The following KCNQ1 variants were observed in gnomAD, a reference collection of about 807,000 sequenced individuals.
KCNQ1 encodes potassium voltage-gated channel subfamily KQT member 1.
KCNQ1 carries 49 observed loss-of-function variants against 72.4 expected under a neutral mutation model. The ratio of observed to expected loss-of-function variants is 0.68; its 90% CI spans 0.54 to 0.86. KCNQ1 has a LOEUF of 0.86. Ranked by LOEUF, KCNQ1 falls within the 40% of genes least tolerant of loss-of-function variation. The pLI is 0.00. For synonymous variants in KCNQ1, 450 were observed against 412.6 expected (o/e 1.09, Z -1.10); for missense variants, 790 against 945.1 (o/e 0.84, Z 2.15).
intron 10 of KCNQ1, chr11:2,648,131 G>A (rs2133838734): frequency 5.2e-6 from 2 of 382,806 alleles, no homozygotes; most frequent in East Asian, 7.4e-5. Context: ...CTTGAGCCCA[G>A]GAAGCAGAGG....
intron 1 of KCNQ1, among the ~76,000 whole-genome samples, chr11:2,489,176 C>T (rs1038857582): frequency 6.6e-6 from 1 of 152,210 alleles, no homozygotes; most frequent in Admixed American, 6.5e-5. Context: ...TACTGAATCA[C>T]TGACAGCACT....
chr11:2,510,793 G>T (rs1053598808), intron 1 of KCNQ1, among the ~76,000 whole-genome samples: 1 of 152,174 alleles, frequency 6.6e-6, no homozygotes, highest in African/African-American at 2.4e-5. Context: ...AGGCTGGCAC[G>T]CTCAGATGCA....
chr11:2,651,361 C>T lies in KCNQ1; in HGVS notation c.1394-10600C>T, dbSNP rs1341013849. 1 of 398,602 alleles carries T rather than the reference C, an allele frequency of 2.5e-6. No homozygotes were observed. Among genetic ancestry groups the T allele is most frequent in the Non-Finnish European group, 4.4e-6 (1 of 226,132 alleles). 24.7% of individuals were successfully genotyped at this position (398,602 alleles called of 1,614,324 possible). On this transcript the variant is annotated intron_variant, in intron 10 of 15. Coordinates refer to ENST00000155840, the MANE Select transcript of KCNQ1 (RefSeq NM_000218.3). The surrounding 1 kb of genome is among the most constrained non-coding windows in gnomAD (Gnocchi z 6.1). ...CGGCTGAGAGAGCTGGGGTATTTAT[C>T]TTTCACTAGTGAGTGCTGCCCCGGT... is the stretch of plus-strand genomic sequence containing the variant.
chr11:2,797,168 T>G (rs375182252), intron 15 of KCNQ1, among the ~76,000 whole-genome samples: 4 of 147,220 alleles, frequency 2.7e-5, no homozygotes, highest in South Asian at 4.4e-4. Flanking sequence ...CCTGGGGGGG[T>G]GGCGGGGGGG....
intron 1 of KCNQ1, among the ~76,000 whole-genome samples, chr11:2,519,018 G>A (rs553685380): frequency 1.3e-5 from 2 of 152,344 alleles, no homozygotes; most frequent in African/African-American, 2.4e-5. Flanking sequence ...GCTGCCAGGG[G>A]AGGGGCTTCC....
chr11:2,751,394 A>G (rs1027458469), intron 11 of KCNQ1, among the ~76,000 whole-genome samples: 3 of 152,184 alleles, frequency 2.0e-5, no homozygotes, highest in Non-Finnish European at 4.4e-5. Context: ...AGGGGGCTCT[A>G]TGGGAAAGGG....
intron 10 of KCNQ1, chr11:2,636,566 G>A (rs1357600832): frequency 2.0e-5 from 3 of 152,096 alleles, no homozygotes; most frequent in Non-Finnish European, 2.9e-5. Flanking sequence ...GCTTTTTGAT[G>A]TGCTGCTGGA....
chr11:2,788,554 C>T (rs899608083), intron 15 of KCNQ1, among the ~76,000 whole-genome samples: 3 of 151,554 alleles, frequency 2.0e-5, no homozygotes, highest in Admixed American at 1.3e-4. Context: ...CACCACCCCC[C>T]GCCCCCCACA....
rs566506022 is a variant in KCNQ1, at chr11:2,495,894, T to G, written c.387-32034T>G. ...TGAGTTCAAGTCCTGAATATCCTTG[T>G]TAATTTTCTGTCTCATTGATCTGTC... On this transcript the variant is annotated intron_variant, in intron 1 of 15. Transcript: ENST00000155840. The surrounding 1 kb of genome is among the most constrained non-coding windows in gnomAD (Gnocchi z 4.6). 2.0e-5 allele frequency among the ~76,000 whole-genome samples: 3 copies of G among 152,208 alleles called. 1 individual carries two copies. In the South Asian group the frequency reaches 6.2e-4, roughly 32 times the overall value.
rs1301664679 is a variant in KCNQ1, at chr11:2,828,386, A to G, written c.1795-19381A>G. On this transcript the variant is annotated intron_variant, in intron 15 of 15. Coordinates refer to ENST00000155840, the MANE Select transcript of KCNQ1 (RefSeq NM_000218.3). This position sits in a 1 kb window ranked among gnomAD's most constrained non-coding sequence, Gnocchi z 5.3. ...GACAGTAAAGGCATGAAAAACATGG[A>G]AACATGTAAATCAACTAGGGTAAAG... is the stretch of plus-strand genomic sequence containing the variant. Among the ~76,000 whole-genome samples the G allele has an allele frequency of 1.3e-5, 2 of 152,224 alleles. No individual in the cohort carries two copies. The highest frequency in any genetic ancestry group is 2.9e-5 in the Non-Finnish European group (2 of 68,032).
chr11:2,512,192 C>T (rs1236875144), intron 1 of KCNQ1, among the ~76,000 whole-genome samples: 1 of 152,196 alleles, frequency 6.6e-6, no homozygotes, highest in African/African-American at 2.4e-5. Flanking sequence ...AGCACTTGGC[C>T]TGCCCAGCCG....
At chr11:2,586,005 T>A (rs937353888) in intron 8 of KCNQ1, among the ~76,000 whole-genome samples, 12 of 152,156 alleles carry the variant, frequency 7.9e-5, no homozygotes, top group African/African-American at 2.7e-4. Context: ...CACTTGAGAA[T>A]TGCGTCCCTG....
chr11:2,695,643 A>G lies in KCNQ1; in HGVS notation c.1514+33562A>G. The G allele has an allele frequency of 2.5e-6, 1 of 398,638 alleles. No individual in the cohort carries two copies. Among genetic ancestry groups the G allele is most frequent in the Non-Finnish European group, 4.4e-6 (1 of 226,078 alleles). 24.7% of individuals were successfully genotyped at this position (398,638 alleles called of 1,614,324 possible). On this transcript the variant is annotated intron_variant, in intron 11 of 15. Coordinates refer to ENST00000155840, the MANE Select transcript of KCNQ1 (RefSeq NM_000218.3). This position sits in a 1 kb window ranked among gnomAD's most constrained non-coding sequence, Gnocchi z 5.2. ...CTTAGGAGGGAAACTGCTGGGCCAC[A>G]GGTATAAAATATTTTATTTGAGGAA...
rs1360751095 is a variant in KCNQ1 at position 2,745,514 on chromosome 11, C to T, written c.1515-23330C>T. 1.3e-5 allele frequency among the ~76,000 whole-genome samples: 2 copies of T among 152,200 alleles called. No homozygotes were observed. The highest frequency in any genetic ancestry group is 2.9e-5 in the Non-Finnish European group (2 of 68,042). On this transcript the variant is annotated intron_variant, in intron 11 of 15. Coordinates refer to ENST00000155840, the MANE Select transcript of KCNQ1 (RefSeq NM_000218.3). The surrounding 1 kb of genome is among the most constrained non-coding windows in gnomAD (Gnocchi z 6.2). ...CTTTCTATCAGCTCTATTGATTGAT[C>T]TTTTGATCCTGCTGATTGTCTAAGT...
At position 2,627,164 on chromosome 11, in the gene KCNQ1, T is replaced by G. The variant is rs1338348826; in HGVS notation, c.1394-34797T>G. On this transcript the variant is annotated intron_variant, in intron 10 of 15. Coordinates refer to ENST00000155840, the MANE Select transcript of KCNQ1 (RefSeq NM_000218.3). The surrounding 1 kb of genome is among the most constrained non-coding windows in gnomAD (Gnocchi z 4.9). Reference sequence around the variant, plus strand: ...TGGTAAAGTTGGTTCCTAAGTTTGTTATTCTTGATGCTTTTTTCAGCTTTT... The same window carrying G: ...TGGTAAAGTTGGTTCCTAAGTTTGTGATTCTTGATGCTTTTTTCAGCTTTT... The G allele has an allele frequency of 2.5e-6, 1 of 398,438 alleles. No homozygotes were observed. Among genetic ancestry groups the G allele is most frequent in the Non-Finnish European group, 4.4e-6 (1 of 226,056 alleles). 24.7% of individuals were successfully genotyped at this position (398,438 alleles called of 1,614,324 possible).
At chr11:2,618,353 T>C in intron 10 of KCNQ1, 1 of 398,532 alleles carries the variant, frequency 2.5e-6, no homozygotes, top group Non-Finnish European at 4.4e-6. Context: ...GTTTACAAAT[T>C]TGTGTTGGGC....
Position 2,828,780 on chromosome 11 carries a change from TC to T in KCNQ1, c.1795-18982del, listed in dbSNP as rs1045085842. 1.1e-4 allele frequency among the ~76,000 whole-genome samples: 17 copies of T among 152,090 alleles called. No homozygotes were observed. The highest frequency in any genetic ancestry group is 4.1e-4 in the African/African-American group (17 of 41,398). Reference sequence around the variant, plus strand: ...ATTCAAGCTAAAAAGGAAGACCTCCTCCCCCACTTCCCTCATCAACTCCCAG... The same window carrying T: ...ATTCAAGCTAAAAAGGAAGACCTCCTCCCCACTTCCCTCATCAACTCCCAG... On this transcript the variant is annotated intron_variant, in intron 15 of 15. Transcript: ENST00000155840. The surrounding 1 kb of genome is among the most constrained non-coding windows in gnomAD (Gnocchi z 5.3).
intron 11 of KCNQ1, among the ~76,000 whole-genome samples, chr11:2,727,954 A>G (rs778934789): frequency 9.2e-5 from 14 of 151,952 alleles, no homozygotes; most frequent in Non-Finnish European, 1.9e-4. Context: ...CTTCATTTCC[A>G]TCATATGTGG....
intron 10 of KCNQ1, chr11:2,641,691 T>C (rs1849579509): frequency 2.5e-6 from 1 of 398,256 alleles, no homozygotes; most frequent in African/African-American, 2.1e-5. Context: ...TGAGGTCTTA[T>C]CCATAAAATC....
Sources: gnomAD v4.1 joint callset for allele counts (sites outside exome capture counted in the v4.1 genomes callset) on GRCh38, gnomAD v4.1.1 for gene constraint, Gnocchi (gnomAD v3.1) non-coding constraint, MANE v1.5 for transcripts, NCBI Gene and HGNC (gene_info 2026-07-23, HGNC 2026-07-21) for gene names.